Variants in PTPN12 observed in about 807,000 individuals in gnomAD.
PTPN12 encodes tyrosine-protein phosphatase non-receptor type 12.
PTPN12 carries 29 observed loss-of-function variants against 97.6 expected under a neutral mutation model. That is an observed-to-expected ratio of 0.30 (90% CI 0.22 to 0.41). The LOEUF is 0.41. Among genes scored for constraint, PTPN12 ranks in the 10% least tolerant of loss-of-function variants. PTPN12 has a pLI of 1.00. For synonymous variants in PTPN12, 327 were observed against 300.4 expected (o/e 1.09, Z -0.91); for missense variants, 819 against 926.0 (o/e 0.88, Z 1.50).
At position 77,537,662 on chromosome 7, in the gene PTPN12, G is replaced by A. The variant is rs1422792469; in HGVS notation, c.99+17G>A. The A allele has an allele frequency of 2.5e-6, 4 of 1,575,692 alleles. No homozygotes were observed. Among genetic ancestry groups the A allele is most frequent in the Admixed American group, 3.6e-5 (2 of 55,568 alleles). ...GACTTCATGGTGAGTCTCTCCCCTCGCTGTCGCGTTTTCTTGCCGGCGCCG... is the reference window on the plus strand; with the variant it reads ...GACTTCATGGTGAGTCTCTCCCCTCACTGTCGCGTTTTCTTGCCGGCGCCG... On this transcript the variant is annotated intron_variant, in intron 1 of 17. Coordinates refer to ENST00000248594, the MANE Select transcript of PTPN12 (RefSeq NM_002835.4).
chr7:77,631,346 T>C (rs1317731196), intron 13 of PTPN12, among the ~76,000 whole-genome samples: 1 of 152,182 alleles, frequency 6.6e-6, no homozygotes, highest in African/African-American at 2.4e-5. Context: ...ACTCACCTCA[T>C]GCGTGTTGAA....
chr7:77,578,327 G>A (rs1787401582), intron 2 of PTPN12, among the ~76,000 whole-genome samples: 1 of 152,122 alleles, frequency 6.6e-6, no homozygotes. Flanking sequence ...CAGAGTCATA[G>A]CTTTTTTTTG....
chr7:77,639,150 G>A (rs761697493), intron 17 of PTPN12, 69 bp from the exon 18 acceptor site: 3 of 1,243,756 alleles, frequency 2.4e-6, no homozygotes, highest in Non-Finnish European at 3.5e-6. Context: ...GAATGTCTGT[G>A]GACATGGTTT....
At chr7:77,604,901 C>G in intron 8 of PTPN12, 1 of 433,872 alleles carries the variant, frequency 2.3e-6, no homozygotes, top group Middle Eastern at 3.3e-4. Flanking sequence ...TTGCCACTTA[C>G]TGAACGGTCT....
chr7:77,636,266 A>G (rs1452690805), intron 15 of PTPN12, among the ~76,000 whole-genome samples: 1 of 151,914 alleles, frequency 6.6e-6, no homozygotes, highest in Non-Finnish European at 1.5e-5. Flanking sequence ...TTTCTTTGAC[A>G]TTCGAGAAAT....
chr7:77,610,108 T>C (rs1352479001), intron 9 of PTPN12, among the ~76,000 whole-genome samples: 1 of 152,256 alleles, frequency 6.6e-6, no homozygotes, highest in Non-Finnish European at 1.5e-5. Context: ...GATCTTCTCA[T>C]GTCAACATTG....
rs907714741 is a variant in PTPN12 at position 77,537,427 on chromosome 7, TGGC to T, written c.-117_-115del. On this transcript the variant is annotated 5_prime_UTR_variant, in exon 1 of 18. Coordinates refer to ENST00000248594, the MANE Select transcript of PTPN12 (RefSeq NM_002835.4). The stretch of plus-strand genomic sequence containing the variant: ...GGGAGGAGGAGGGAGCCGCGGGGCT[TGGC>T]GGGGTCGGGAGGGAGGGACGTGCTG... 2.2e-3 allele frequency: 2,496 copies of T among 1,119,490 alleles called. 4 individuals are homozygous for T. Among genetic ancestry groups the T allele is most frequent in the Non-Finnish European group, 2.3e-3 (2,146 of 914,534 alleles). The allele number at this position is 1,119,490 out of a possible 1,614,324, so 69.3% of individuals were successfully genotyped here. A position where few individuals can be genotyped will look rare whatever the true frequency, so the allele number is the denominator to read the frequency against.
intron 1 of PTPN12, among the ~76,000 whole-genome samples, chr7:77,552,022 A>G (rs1807499882): frequency 6.6e-6 from 1 of 152,218 alleles, no homozygotes; most frequent in South Asian, 2.1e-4. Flanking sequence ...ACATGTTCAG[A>G]TATTTATCTC....
intron 1 of PTPN12, chr7:77,537,980 G>A (rs545824431): frequency 5.5e-6 from 4 of 726,656 alleles, no homozygotes; most frequent in East Asian, 2.9e-4. Context: ...GTGCAGGCCG[G>A]GGGGGGGGGC....
rs529984898 is a variant in PTPN12 at position 77,577,046 on chromosome 7, C to G, written c.209-4381C>G. Among the ~76,000 whole-genome samples, 7 of 152,312 alleles carry G rather than the reference C, an allele frequency of 4.6e-5. No homozygotes were observed. In the East Asian group the frequency reaches 1.4e-3, roughly 29 times the overall value. Reference sequence around the variant, plus strand: ...GACAGAACTGGGGTGGATATACACTCATTTATTTGAAATCATGCATTTGTT... The same window carrying G: ...GACAGAACTGGGGTGGATATACACTGATTTATTTGAAATCATGCATTTGTT... On this transcript the variant is annotated intron_variant, in intron 2 of 17. Transcript: ENST00000248594.
intron 1 of PTPN12, among the ~76,000 whole-genome samples, chr7:77,561,783 A>G (rs199730450): frequency 1.5e-5 from 2 of 130,484 alleles, no homozygotes; most frequent in Non-Finnish European, 3.2e-5. Context: ...TAATTAATTA[A>G]TTTTATTTAT....
intron 5 of PTPN12, among the ~76,000 whole-genome samples, chr7:77,590,141 A>G (rs547807714): frequency 6.6e-6 from 1 of 152,338 alleles, no homozygotes; most frequent in South Asian, 2.1e-4. Context: ...GTTTCCTCAC[A>G]TTTGAAAGGA....
intron 14 of PTPN12, among the ~76,000 whole-genome samples, chr7:77,634,728 A>G (rs1353636397): frequency 2.6e-5 from 4 of 151,640 alleles, no homozygotes; most frequent in Non-Finnish European, 5.9e-5. Flanking sequence ...GGCATGAGCC[A>G]CCACGCCCGG....
chr7:77,619,069 C>G (rs1167201451), intron 12 of PTPN12, among the ~76,000 whole-genome samples: 1 of 152,056 alleles, frequency 6.6e-6, no homozygotes, highest in African/African-American at 2.4e-5. Flanking sequence ...TAGTCAGTAA[C>G]ATGGTAGTAT....
At chr7:77,620,728 T>C (rs1174905592) in intron 12 of PTPN12, among the ~76,000 whole-genome samples, 1 of 152,094 alleles carries the variant, frequency 6.6e-6, no homozygotes, top group Non-Finnish European at 1.5e-5. Context: ...GGCAGGCGGA[T>C]CACAAGGTCA....
chr7:77,570,283 T>C (rs1808417919), intron 1 of PTPN12, among the ~76,000 whole-genome samples: 1 of 152,240 alleles, frequency 6.6e-6, no homozygotes, highest in South Asian at 2.1e-4. Context: ...AGTTAAATTT[T>C]ATCAGATTTA....
intron 1 of PTPN12, among the ~76,000 whole-genome samples, chr7:77,562,182 T>A (rs962099093): frequency 6.6e-6 from 1 of 152,082 alleles, no homozygotes; most frequent in African/African-American, 2.4e-5. Context: ...GCCTCCCGAG[T>A]AGCTGGCATT....
At chr7:77,559,750 T>C (rs1807914472) in intron 1 of PTPN12, among the ~76,000 whole-genome samples, 1 of 143,026 alleles carries the variant, frequency 7.0e-6, no homozygotes, top group African/African-American at 2.5e-5. Flanking sequence ...ATGTTCCGAA[T>C]GGGTTATCAA....
intron 1 of PTPN12, among the ~76,000 whole-genome samples, chr7:77,558,210 C>CAAAAAAAAAAAA (rs61149538): frequency 2.1e-5 from 2 of 93,612 alleles, no homozygotes; most frequent in Non-Finnish European, 4.3e-5. Context: ...GACTCCATCT[C>CAAAAAAAAAAAA]AAAAAAAAAA....
Sources: gnomAD v4.1 joint callset for allele counts (sites outside exome capture counted in the v4.1 genomes callset) on GRCh38, gnomAD v4.1.1 for gene constraint, MANE v1.5 for transcripts, NCBI Gene and HGNC (gene_info 2026-07-23, HGNC 2026-07-21) for gene names.